Variants in TAS1R2 observed in about 807,000 individuals in gnomAD.
TAS1R2 encodes the protein taste 1 receptor member 2.
A neutral mutation model predicts 49.3 loss-of-function variants in TAS1R2; 47 were observed. The ratio of observed to expected loss-of-function variants is 0.95; its 90% CI spans 0.75 to 1.22. The LOEUF (loss-of-function observed/expected upper bound fraction) is 1.22, where lower values mean the gene tolerates loss of function less well. Among genes scored for constraint, TAS1R2 ranks in the 50% most tolerant of loss-of-function variants. TAS1R2 has a pLI of 0.00. For missense variants in TAS1R2, 1,155 were observed against 1,122.1 expected (o/e 1.03, Z -0.42); for synonymous variants, 479 against 467.9 (o/e 1.02, Z -0.31).
chr1:18,857,198 C>T, intron 2 of TAS1R2, 133 bp downstream of exon 2: 1 of 1,029,404 alleles, frequency 9.7e-7, no homozygotes, highest in Non-Finnish European at 1.4e-6. Context: ...AAGATTTGGG[C>T]TGATGTCCTG....
chr1:18,850,679 C>T (rs1238213935), intron 3 of TAS1R2, among the ~76,000 whole-genome samples: 1 of 152,254 alleles, frequency 6.6e-6, no homozygotes, highest in African/African-American at 2.4e-5. Context: ...AGATATCACC[C>T]CCAAGGGGTC....
In TAS1R2 at chr1:18,841,725, A is replaced by T; in HGVS notation, c.1591+4T>A. On this transcript the variant is annotated splice_donor_region_variant and intron_variant, in intron 5 of 5. Transcript: ENST00000375371. ...GGCAGGAGTGCTAGGCCTGTGAATC[A>T]TACCTTCAGTGTGGTTGAGGAAGGT... is the stretch of plus-strand genomic sequence containing the variant. 2 of 1,612,680 alleles carry T rather than the reference A, an allele frequency of 1.2e-6. No individual in the cohort carries two copies. The highest frequency in any genetic ancestry group is 2.2e-5 in the South Asian group (2 of 91,042).
At chr1:18,856,013 C>T (rs1452943574) in intron 2 of TAS1R2, among the ~76,000 whole-genome samples, 3 of 152,194 alleles carry the variant, frequency 2.0e-5, no homozygotes, top group Non-Finnish European at 4.4e-5. Context: ...CTATGCTTAA[C>T]ATGGCAGCCC....
intron 4 of TAS1R2, 100 bp downstream of exon 4, chr1:18,849,241 A>G (rs1302655906): frequency 8.0e-7 from 1 of 1,247,840 alleles, no homozygotes; most frequent in Non-Finnish European, 1.1e-6. Context: ...TTGATAAAGC[A>G]TCTCCAGGCT....
chr1:18,853,959 G>A (rs529133061), intron 3 of TAS1R2, among the ~76,000 whole-genome samples: 27 of 152,298 alleles, frequency 1.8e-4, no homozygotes, highest in African/African-American at 6.5e-4. Flanking sequence ...CTGGGGGAGG[G>A]GGGCGCTGCC....
chr1:18,849,201 T>TA (rs1933975507), intron 4 of TAS1R2, 140 bp downstream of exon 4: 11 of 909,350 alleles, frequency 1.2e-5, no homozygotes, highest in Middle Eastern at 3.4e-4. Flanking sequence ...CCCCAGACGA[T>TA]ACACCCACAA....
intron 3 of TAS1R2, among the ~76,000 whole-genome samples, chr1:18,852,681 C>G (rs935762016): frequency 6.6e-6 from 1 of 152,210 alleles, no homozygotes; most frequent in Non-Finnish European, 1.5e-5. Flanking sequence ...CTGCAGTTCC[C>G]GTCGCCTCTC....
intron 3 of TAS1R2, among the ~76,000 whole-genome samples, 165 bp from the exon 4 acceptor site, chr1:18,849,715 G>A (rs150155834): frequency 1.4e-3 from 215 of 152,336 alleles, no homozygotes; most frequent in African/African-American, 5.0e-3. Context: ...GTCAGTGGCT[G>A]AGAGCTCTGC....
chr1:18,853,607 G>A (rs1214111730), intron 3 of TAS1R2, among the ~76,000 whole-genome samples: 4 of 152,226 alleles, frequency 2.6e-5, no homozygotes, highest in African/African-American at 9.7e-5. Context: ...CTAAATAGCA[G>A]GGTGGGAGGC....
In TAS1R2 at chr1:18,841,774, C is replaced by A. The variant is rs771711988; in HGVS notation, c.1546G>T (p.Glu516Ter). The change falls in exon 5 of 6, where the codon GAG becomes TAG. Residue 516 changes from glutamate to a stop codon, truncating the protein, a stop_gained. Coordinates refer to ENST00000375371, the Ensembl canonical transcript of TAS1R2. LOFTEE classifies it low-confidence loss of function (END_TRUNC). ...GTGCCGGGAAGGCAGTCGATGCACT[C>A]GAAGCAGCAGACGTGGATGCCCACA... The A allele has an allele frequency of 6.2e-7, 1 of 1,613,854 alleles. No homozygotes were observed. The highest frequency in any genetic ancestry group is 2.2e-5 in the East Asian group (1 of 44,884).
chr1:18,839,774 G>A lies in TAS1R2; in HGVS notation c.2345C>T (p.Ala782Val), dbSNP rs1933780232. The change falls in exon 6 of 6, where the codon GCC becomes GTC. Residue 782 changes from alanine to valine, a missense_variant. Ala to Val is a moderately conservative substitution (Grantham distance 64). Transcript: ENST00000375371. ...GATGGTGACCAGCACCCCGCTGTAG[G>A]CAGACATGAAGGTGCAGAGGGAGAC... is the stretch of plus-strand genomic sequence containing the variant. The A allele has an allele frequency of 9.3e-6, 15 of 1,614,120 alleles. No homozygotes were observed. The East Asian group carries it at 3.3e-4, about 36-fold the overall frequency.
chr1:18,859,639 T>A (rs148935609), exon 1 of TAS1R2: 1 of 1,614,186 alleles, frequency 6.2e-7, no homozygotes, highest in Non-Finnish European at 8.5e-7. Context: ...AGGGAGGAGA[T>A]GGTCTTTGCC....
At chr1:18,848,817 G>T (rs982521161) in intron 4 of TAS1R2, among the ~76,000 whole-genome samples, 10 of 152,210 alleles carry the variant, frequency 6.6e-5, no homozygotes, top group African/African-American at 2.2e-4. Context: ...GGATCGTCTA[G>T]TTGCAGGAAA....
Position 18,854,773 on chromosome 1 carries a change from A to C in TAS1R2, c.697T>G (p.Cys233Gly). ...GGCAGCGTCTCCTGGAAGGCGATGC[A>C]GATGTCGCGCCGGGCCACGCGCTCG... Residue 233 changes from cysteine to glycine, a missense_variant, in exon 3 of 6, where the codon TGC becomes GGC. Physicochemically the swap from Cys to Gly is radical, Grantham distance 159. Transcript: ENST00000375371. The surrounding 1 kb of genome is among the most constrained non-coding windows in gnomAD (Gnocchi z 4.9). 6.2e-7 allele frequency: 1 copy of C among 1,608,140 alleles called. No homozygotes were observed.
chr1:18,849,488 C>G (rs140357786), exon 4 of TAS1R2: 2 of 1,614,198 alleles, frequency 1.2e-6, no homozygotes, highest in Non-Finnish European at 1.7e-6. Flanking sequence ...CGTCCCCTTG[C>G]GGGTCGAAGA....
Position 18,849,570 on chromosome 1 carries a change from G to A in TAS1R2, c.1258-20C>T. 6.2e-7 allele frequency: 1 copy of A among 1,612,534 alleles called. No homozygotes were observed. The highest frequency in any genetic ancestry group is 8.5e-7 in the Non-Finnish European group (1 of 1,178,794). On this transcript the variant is annotated intron_variant, in intron 3 of 5. Coordinates refer to ENST00000375371, the Ensembl canonical transcript of TAS1R2. ...AAGCAGCTGGCGGGGTCAGAGGGAA[G>A]GGAAGTGGAGCTAGCATCAGAATCT...
chr1:18,847,617 G>A (rs577001551), intron 4 of TAS1R2, among the ~76,000 whole-genome samples: 1 of 152,206 alleles, frequency 6.6e-6, no homozygotes, highest in East Asian at 1.9e-4. Flanking sequence ...AACTCCACAA[G>A]GCAGGTCTCT....
At chr1:18,859,369 G>A in intron 1 of TAS1R2, 110 bp downstream of exon 1, 7 of 1,303,750 alleles carry the variant, frequency 5.4e-6, no homozygotes, top group Non-Finnish European at 7.6e-6. Context: ...TGAATGGGGA[G>A]GAGTGCTTTA....
At chr1:18,849,850 T>C (rs1030518217) in intron 3 of TAS1R2, among the ~76,000 whole-genome samples, 5 of 152,138 alleles carry the variant, frequency 3.3e-5, no homozygotes, top group Admixed American at 3.3e-4. Flanking sequence ...AAAAACTCTA[T>C]CTTCTGGGCT....
Sources: gnomAD v4.1 joint callset for allele counts (sites outside exome capture counted in the v4.1 genomes callset) on GRCh38, gnomAD v4.1.1 for gene constraint, Gnocchi (gnomAD v3.1) non-coding constraint, MANE v1.5 for transcripts, NCBI Gene and HGNC (gene_info 2026-07-23, HGNC 2026-07-21) for gene names.